JCAD: variants seen among roughly 807,000 people sequenced by gnomAD.
JCAD encodes the protein junctional cadherin 5-associated protein.
JCAD carries 40 observed loss-of-function variants against 98.0 expected under a neutral mutation model. The ratio of observed to expected loss-of-function variants is 0.41; its 90% CI spans 0.32 to 0.53. JCAD has a LOEUF of 0.53. Ranked by LOEUF, JCAD falls within the 20% of genes least tolerant of loss-of-function variation. The probability of loss-of-function intolerance (pLI) is 0.31; values close to 1 mark genes in which losing one functional copy is unlikely to be tolerated. For synonymous variants in JCAD, 691 were observed against 682.3 expected (o/e 1.01, Z -0.20); for missense variants, 1,705 against 1,738.1 (o/e 0.98, Z 0.34).
chr10:30,020,144 T>A (rs140893008), intron 3 of JCAD, among the ~76,000 whole-genome samples: 3,326 of 151,820 alleles, frequency 0.022, 114 homozygotes, highest in African/African-American at 0.075. Context: ...CTGGCCGACA[T>A]GGCGAAACCC....
chr10:30,044,758 G>A, intron 2 of JCAD: 1 of 977,292 alleles, frequency 1.0e-6, no homozygotes, highest in Non-Finnish European at 1.2e-6. Flanking sequence ...TTCTGATGGG[G>A]AAAAACAATT....
Position 30,074,457 on chromosome 10 carries a change from G to C in JCAD, n.129-4636C>G, listed in dbSNP as rs866866017. On this transcript the variant is annotated intron_variant and non_coding_transcript_variant, in intron 1 of 2. Transcript: ENST00000465712. ...CCCCCTCACAGATCGGGGGTCATGA[G>C]GGTTGCTGCTGATGTACCCTGCACC... 2.0e-4 allele frequency among the ~76,000 whole-genome samples: 31 copies of C among 152,316 alleles called. 1 individual carries two copies. The highest frequency in any genetic ancestry group is 3.4e-3 in the Middle Eastern group (1 of 294).
At chr10:30,075,969 G>A (rs898928651) in intron 1 of JCAD, among the ~76,000 whole-genome samples, 3 of 152,004 alleles carry the variant, frequency 2.0e-5, no homozygotes, top group African/African-American at 7.2e-5. Context: ...GTGTTAGCCT[G>A]ATGCTTCCTG....
chr10:30,095,118 T>C (rs896612656), intron 1 of JCAD, among the ~76,000 whole-genome samples: 2 of 152,112 alleles, frequency 1.3e-5, no homozygotes, highest in Non-Finnish European at 2.9e-5. Context: ...TGGACGAACT[T>C]TATGTTTATT....
intron 1 of JCAD, among the ~76,000 whole-genome samples, chr10:30,105,073 G>C (rs1381162175): frequency 2.0e-5 from 3 of 152,160 alleles, no homozygotes; most frequent in Non-Finnish European, 4.4e-5. Flanking sequence ...GCTAGAAAGA[G>C]GCAGGTTGTA....
chr10:30,032,980 A>G (rs868037322), intron 2 of JCAD, among the ~76,000 whole-genome samples: 1 of 152,178 alleles, frequency 6.6e-6, no homozygotes, highest in Non-Finnish European at 1.5e-5. Context: ...GCTTAATACT[A>G]ACATCTACTG....
Position 30,113,970 on chromosome 10 carries a change from A to C in JCAD, n.128+1397T>G, listed in dbSNP as rs112262346. 4.6e-3 allele frequency among the ~76,000 whole-genome samples: 695 copies of C among 152,272 alleles called. 1 individual carries two copies. Among genetic ancestry groups the C allele is most frequent in the Non-Finnish European group, 7.6e-3 (514 of 68,020 alleles). ...AATGATTCTCCAGCCTCAGCCTCGTAAAGGTTGGGTGCATTAAAGATTTGA... is the reference window on the plus strand; with the variant it reads ...AATGATTCTCCAGCCTCAGCCTCGTCAAGGTTGGGTGCATTAAAGATTTGA... On this transcript the variant is annotated intron_variant and non_coding_transcript_variant, in intron 1 of 2. Transcript: ENST00000465712.
chr10:30,042,245 C>A (rs904411358), intron 2 of JCAD, among the ~76,000 whole-genome samples: 1 of 152,128 alleles, frequency 6.6e-6, no homozygotes, highest in Non-Finnish European at 1.5e-5. Context: ...CACAGGGAGT[C>A]CCTGTGGCCT....
rs896129539 is a variant in JCAD, at chr10:30,014,131, A to G, written c.*3752T>C. On this transcript the variant is annotated 3_prime_UTR_variant, in exon 4 of 4. Coordinates refer to ENST00000375377, the MANE Select transcript of JCAD (RefSeq NM_020848.4). ...CACTCCTGGAGAAGGACCTCCCGCCATGCAGATTCTTAAAGGTCACTGGAA... is the reference window on the plus strand; with the variant it reads ...CACTCCTGGAGAAGGACCTCCCGCCGTGCAGATTCTTAAAGGTCACTGGAA... The G allele has an allele frequency of 6.6e-6, 1 of 152,234 alleles. No homozygotes were observed. The highest frequency in any genetic ancestry group is 6.5e-5 in the Admixed American group (1 of 15,286). The allele number at this position is 152,234 out of a possible 1,614,324, so 9.4% of individuals were successfully genotyped here.
At chr10:30,031,757 T>C (rs1837001188) in intron 2 of JCAD, among the ~76,000 whole-genome samples, 1 of 119,264 alleles carries the variant, frequency 8.4e-6, no homozygotes, top group Admixed American at 8.6e-5. Flanking sequence ...TGTATTTTTT[T>C]TTTTTTTTTT....
At chr10:30,054,307 T>C (rs891982186) in intron 1 of JCAD, among the ~76,000 whole-genome samples, 7 of 152,202 alleles carry the variant, frequency 4.6e-5, no homozygotes, top group African/African-American at 1.4e-4. Context: ...CTCTGAGTTT[T>C]TGAAAAATTT....
chr10:30,022,736 G>C lies in JCAD; in HGVS notation c.4045+3367C>G, dbSNP rs115048066. On this transcript the variant is annotated intron_variant, in intron 3 of 3. Transcript: ENST00000375377. ...AGAACAACATCTTGGTCAATGACGG[G>C]CCACATAGATGACAGTGGTCCCATA... Among the ~76,000 whole-genome samples the C allele has an allele frequency of 7.1e-3, 1,082 of 152,258 alleles. 13 individuals carry two copies. Among genetic ancestry groups the C allele is most frequent in the African/African-American group, 0.025 (1,029 of 41,542 alleles).
chr10:30,079,220 G>A lies in JCAD; in HGVS notation n.129-9399C>T, dbSNP rs558438276. Reference sequence around the variant, plus strand: ...AAATTAGCCGGGCGTGGTGGCCGGCGCCTGTAGTCCCAGCTACTCGGGAGG... The same window carrying A: ...AAATTAGCCGGGCGTGGTGGCCGGCACCTGTAGTCCCAGCTACTCGGGAGG... On this transcript the variant is annotated intron_variant and non_coding_transcript_variant, in intron 1 of 2. Transcript: ENST00000465712. Among the ~76,000 whole-genome samples, 4 of 152,036 alleles carry A rather than the reference G, an allele frequency of 2.6e-5. No homozygotes were observed. The South Asian group carries it at 8.3e-4, about 32-fold the overall frequency.
In JCAD at chr10:30,026,973, G is replaced by A; in HGVS notation, c.3175C>T (p.Gln1059Ter). 1 of 1,614,208 alleles carries A rather than the reference G, an allele frequency of 6.2e-7. No homozygotes were observed. Among genetic ancestry groups the A allele is most frequent in the Non-Finnish European group, 8.5e-7 (1 of 1,180,032 alleles). The part of the protein sequence containing the change: ...RSVGLTPGQE[Q>*]GASELEGSLG... ...GACCCCTCTAGCTCACTGGCACCCTGTTCTTGCCCAGGGGTGAGCCCCACA... is the reference window on the plus strand; with the variant it reads ...GACCCCTCTAGCTCACTGGCACCCTATTCTTGCCCAGGGGTGAGCCCCACA... The change falls in exon 3 of 4, where the codon CAG becomes TAG. Residue 1059 changes from glutamine (Q) to a stop codon, truncating the protein, a stop_gained. Coordinates refer to ENST00000375377, the MANE Select transcript of JCAD (RefSeq NM_020848.4). LOFTEE classifies it high-confidence loss of function.
At chr10:30,071,898 A>G (rs1837898053) in intron 1 of JCAD, among the ~76,000 whole-genome samples, 1 of 152,192 alleles carries the variant, frequency 6.6e-6, no homozygotes, top group East Asian at 1.9e-4. Context: ...CTTTGGGAAA[A>G]CAAAATATGC....
rs1589671127 is a variant in JCAD, at chr10:30,015,008, A to G, written c.*2875T>C. On this transcript the variant is annotated 3_prime_UTR_variant, in exon 4 of 4. Coordinates refer to ENST00000375377, the MANE Select transcript of JCAD (RefSeq NM_020848.4). Reference sequence around the variant, plus strand: ...AGTGAGGAGTTTTTCTGTACTTTGCAGAAACATGAGGTTGAAAGTGATAAT... The same window carrying G: ...AGTGAGGAGTTTTTCTGTACTTTGCGGAAACATGAGGTTGAAAGTGATAAT... 1 of 152,238 alleles carries G rather than the reference A, an allele frequency of 6.6e-6. No individual in the cohort carries two copies. The highest frequency in any genetic ancestry group is 2.4e-5 in the African/African-American group (1 of 41,466). The allele number at this position is 152,238 out of a possible 1,614,324, so 9.4% of individuals were successfully genotyped here.
chr10:30,095,239 C>G (rs556344833), intron 1 of JCAD, among the ~76,000 whole-genome samples: 1 of 152,208 alleles, frequency 6.6e-6, no homozygotes, highest in South Asian at 2.1e-4. Flanking sequence ...TCATGGCTCT[C>G]GTCTCTTAAC....
At chr10:30,108,450 G>A (rs1020481632) in intron 1 of JCAD, among the ~76,000 whole-genome samples, 3 of 152,152 alleles carry the variant, frequency 2.0e-5, no homozygotes, top group African/African-American at 7.2e-5. Flanking sequence ...CCTTGAGTTT[G>A]GGAACACTGC....
intron 1 of JCAD, among the ~76,000 whole-genome samples, chr10:30,076,178 C>A (rs1287806114): frequency 6.6e-6 from 1 of 152,072 alleles, no homozygotes; most frequent in Non-Finnish European, 1.5e-5. Context: ...TGCCTGCTAC[C>A]ACACCCGGCT....
Sources: gnomAD v4.1 joint callset for allele counts (sites outside exome capture counted in the v4.1 genomes callset) on GRCh38, gnomAD v4.1.1 for gene constraint, MANE v1.5 for transcripts, NCBI Gene and HGNC (gene_info 2026-07-23, HGNC 2026-07-21) for gene names.